The following MAD1L1 variants were observed in gnomAD, a reference collection of about 807,000 sequenced individuals.
The protein encoded by MAD1L1 is mitotic arrest deficient 1 like 1, also known as mitotic spindle assembly checkpoint protein MAD1.
MAD1L1 carries 95 observed loss-of-function variants against 96.9 expected under a neutral mutation model. The ratio of observed to expected loss-of-function variants is 0.98; its 90% CI spans 0.83 to 1.16. MAD1L1 has a LOEUF of 1.16. Among genes scored for constraint, MAD1L1 ranks in the 50% most tolerant of loss-of-function variants. The probability of loss-of-function intolerance (pLI) is 0.00; values close to 1 mark genes in which losing one functional copy is unlikely to be tolerated. For synonymous variants in MAD1L1, 473 were observed against 396.6 expected (o/e 1.19, Z -2.29); for missense variants, 1,007 against 954.4 (o/e 1.06, Z -0.73).
At chr7:2,137,422 G>A (rs1394727385) in intron 11 of MAD1L1, among the ~76,000 whole-genome samples, 2 of 152,186 alleles carry the variant, frequency 1.3e-5, no homozygotes, top group Non-Finnish European at 2.9e-5. Flanking sequence ...GCTGAGGTCA[G>A]ACACCTTCCG....
intron 10 of MAD1L1, among the ~76,000 whole-genome samples, chr7:2,206,154 A>C (rs971885744): frequency 2.6e-5 from 4 of 152,200 alleles, no homozygotes; most frequent in Non-Finnish European, 5.9e-5. Context: ...TAAATAATAA[A>C]GTATCTGTTA....
intron 10 of MAD1L1, among the ~76,000 whole-genome samples, chr7:2,161,109 G>GCCCCCCCCCCCCCCCCCCCCCCAC (rs1562741689): frequency 9.4e-5 from 1 of 10,676 alleles, no homozygotes; most frequent in Non-Finnish European, 1.4e-4. Flanking sequence ...TGGAGCCCCT[G>GCCCCCCCCCCCCCCCCCCCCCCAC]CCCCTCCCCC....
chr7:1,868,985 T>C (rs1294495806), intron 18 of MAD1L1, among the ~76,000 whole-genome samples: 1 of 152,274 alleles, frequency 6.6e-6, no homozygotes, highest in Non-Finnish European at 1.5e-5. Context: ...CTCGCGTGTG[T>C]AGGACTCCCC....
chr7:1,923,449 C>T (rs547796155), intron 17 of MAD1L1, among the ~76,000 whole-genome samples: 7 of 146,332 alleles, frequency 4.8e-5, no homozygotes, highest in South Asian at 2.2e-4. Context: ...TCTTCCGCCC[C>T]GGCACCCTGG....
At chr7:2,213,342 C>G (rs1793084025) in intron 9 of MAD1L1, 69 bp from the exon 10 acceptor site, 1 of 1,435,944 alleles carries the variant, frequency 7.0e-7, no homozygotes, top group Non-Finnish European at 9.8e-7. Flanking sequence ...GACTGACAAT[C>G]ATGATCACGG....
intron 16 of MAD1L1, among the ~76,000 whole-genome samples, chr7:1,955,066 G>A (rs545908551): frequency 7.2e-5 from 11 of 152,334 alleles, no homozygotes; most frequent in East Asian, 1.9e-4. Context: ...GGAGGGCAGC[G>A]GCACTCGCGC....
chr7:1,921,772 C>A (rs1380840351), intron 17 of MAD1L1, among the ~76,000 whole-genome samples: 2 of 151,758 alleles, frequency 1.3e-5, no homozygotes, highest in African/African-American at 4.9e-5. Flanking sequence ...TATAAATCTA[C>A]GGGGAAGGAA....
chr7:1,933,549 C>T (rs765192993), intron 17 of MAD1L1, among the ~76,000 whole-genome samples: 24 of 152,176 alleles, frequency 1.6e-4, no homozygotes, highest in Non-Finnish European at 3.4e-4. Context: ...GCTGAGCATC[C>T]GCGTGGTCTG....
intron 18 of MAD1L1, among the ~76,000 whole-genome samples, chr7:1,816,569 C>A (rs1245238623): frequency 6.6e-6 from 1 of 152,140 alleles, no homozygotes; most frequent in African/African-American, 2.4e-5. Context: ...CCACTCTTCA[C>A]TGAGGCTGGA....
intron 10 of MAD1L1, among the ~76,000 whole-genome samples, chr7:2,194,064 C>T (rs1791865642): frequency 6.7e-6 from 1 of 148,414 alleles, no homozygotes; most frequent in African/African-American, 2.5e-5. Flanking sequence ...CTGACTTGGC[C>T]TCTCGAGTTG....
intron 18 of MAD1L1, among the ~76,000 whole-genome samples, chr7:1,819,137 C>T (rs1024492253): frequency 6.6e-6 from 1 of 152,152 alleles, no homozygotes; most frequent in Non-Finnish European, 1.5e-5. Flanking sequence ...CTGCCATGTT[C>T]AAATATCACA....
chr7:2,136,825 A>G (rs979653939), intron 11 of MAD1L1, among the ~76,000 whole-genome samples: 4 of 152,216 alleles, frequency 2.6e-5, no homozygotes, highest in Admixed American at 6.5e-5. Context: ...CACACCAAGA[A>G]TCCCAGCTCG....
intron 11 of MAD1L1, among the ~76,000 whole-genome samples, chr7:2,093,799 C>T (rs1562680146): frequency 1.3e-5 from 2 of 152,188 alleles, no homozygotes; most frequent in Admixed American, 1.3e-4. Context: ...GCCAGAGGAG[C>T]ACGGAACGCG....
chr7:1,966,965 A>T (rs1162091373), intron 15 of MAD1L1, among the ~76,000 whole-genome samples: 1 of 152,274 alleles, frequency 6.6e-6, no homozygotes, highest in Non-Finnish European at 1.5e-5. Context: ...AGAAGGAAAG[A>T]GGACATGAAG....
intron 12 of MAD1L1, among the ~76,000 whole-genome samples, chr7:2,015,333 A>G (rs573166823): frequency 1.3e-5 from 2 of 152,138 alleles, no homozygotes; most frequent in African/African-American, 4.8e-5. Flanking sequence ...CCACACGCAG[A>G]TCCCTACAGA....
chr7:1,839,752 G>A (rs1429053024), intron 18 of MAD1L1, among the ~76,000 whole-genome samples: 5 of 122,442 alleles, frequency 4.1e-5, no homozygotes, highest in Non-Finnish European at 8.7e-5. Context: ...GCCTCCCCCC[G>A]GCTCCCAGGG....
intron 10 of MAD1L1, among the ~76,000 whole-genome samples, chr7:2,167,201 G>C (rs1429747100): frequency 6.6e-6 from 1 of 152,212 alleles, no homozygotes; most frequent in African/African-American, 2.4e-5. Flanking sequence ...GGAAAACCAA[G>C]GGACTATGAC....
rs563962408 is a variant in MAD1L1, at chr7:2,014,391, G to C, written c.1359+111C>G. On this transcript the variant is annotated intron_variant, in intron 13 of 18. Coordinates refer to ENST00000265854, the MANE Select transcript of MAD1L1 (RefSeq NM_001013836.2). ...TCCCTGACAGACACCTGCCAGCCGG[G>C]AACTGGGGAGGCGGGGTCCAGACCT... 1.9e-5 allele frequency: 26 copies of C among 1,370,206 alleles called. No homozygotes were observed. In the Admixed American group the frequency reaches 4.2e-4, roughly 22 times the overall value. 84.9% of individuals were successfully genotyped at this position (1,370,206 alleles called of 1,614,324 possible).
At chr7:1,911,631 C>A (rs146072173) in intron 17 of MAD1L1, among the ~76,000 whole-genome samples, 11 of 152,234 alleles carry the variant, frequency 7.2e-5, no homozygotes, top group African/African-American at 2.7e-4. Context: ...TCCGGCGTCA[C>A]CTCCAGATGA....
Sources: allele counts gnomAD v4.1 joint callset (sites outside exome capture counted in the v4.1 genomes callset), GRCh38; gene constraint gnomAD v4.1.1; transcripts MANE v1.5; gene names NCBI Gene and HGNC (gene_info 2026-07-23, HGNC 2026-07-21).